Variants in IL4R observed in about 807,000 individuals in gnomAD.
IL4R encodes the protein interleukin-4 receptor subunit alpha.
Under a neutral mutation model 41.5 loss-of-function variants are expected in IL4R, and 17 were observed. That is an observed-to-expected ratio of 0.41 (90% confidence interval 0.28 to 0.61). The LOEUF is 0.61. IL4R is among the 20% of genes least tolerant of loss of function. The probability of loss-of-function intolerance (pLI) is 0.31; values close to 1 mark genes in which losing one functional copy is unlikely to be tolerated. For synonymous variants in IL4R, 402 were observed against 422.9 expected, an observed-to-expected ratio of 0.95 and a Z score of 0.61; for missense variants, 974 against 1,043.1, an observed-to-expected ratio of 0.93 and a Z score of 0.91.
At chr16:27,320,600 C>T (rs887276936) in intron 1 of IL4R, among the ~76,000 whole-genome samples, 2 of 152,226 alleles carry the variant, frequency 1.3e-5, no homozygotes, top group African/African-American at 2.4e-5. Context: ...CATTTAACCA[C>T]GGTTCTGAGC....
In IL4R at chr16:27,363,131, G is replaced by A. The variant is rs1471381881; in HGVS notation, c.1779G>A (p.Val593=). ...EQGGTQASAV[V]GLGPPGEAGY... ...GTGGCACCCAGGCCAGTGCGGTGGT[G>A]GGCTTGGGTCCCCCAGGAGAGGCTG... Residue 593 remains valine (V), a synonymous_variant, in exon 11 of 11, where the codon GTG becomes GTA. Transcript: ENST00000395762. 6.2e-7 allele frequency: 1 copy of A among 1,613,786 alleles called. No individual in the cohort carries two copies. Among genetic ancestry groups the A allele is most frequent in the African/African-American group, 1.3e-5 (1 of 74,934 alleles).
intron 1 of IL4R, among the ~76,000 whole-genome samples, chr16:27,314,501 C>A (rs1209997627): frequency 6.6e-6 from 1 of 152,244 alleles, no homozygotes; most frequent in African/African-American, 2.4e-5. Flanking sequence ...ACCCAATAAT[C>A]GCGATCATTG....
At chr16:27,355,429 C>T (rs1387012666) in intron 7 of IL4R, 2 of 294,778 alleles carry the variant, frequency 6.8e-6, no homozygotes, top group Non-Finnish European at 1.3e-5. Context: ...TCAATTCTGT[C>T]ATTAACCCCA....
chr16:27,341,268 G>C (rs1053003225), intron 3 of IL4R: 2 of 632,478 alleles, frequency 3.2e-6, no homozygotes, highest in Non-Finnish European at 5.7e-6. Flanking sequence ...TACTGGGAAG[G>C]ACGCGGTTGT....
chr16:27,333,422 T>A lies in IL4R; in HGVS notation c.-19+3224T>A, dbSNP rs549969601. On this transcript the variant is annotated intron_variant, in intron 2 of 10. Coordinates refer to ENST00000395762, the MANE Select transcript of IL4R (RefSeq NM_000418.4). ...TAGGAGATGAGATTGAAGGAACTGG[T>A]ATACTGGAATCCACGGTGGGCTCGG... 6.6e-5 allele frequency among the ~76,000 whole-genome samples: 10 copies of A among 152,030 alleles called. No individual in the cohort carries two copies. In the South Asian group the frequency reaches 2.1e-3, roughly 31 times the overall value.
At position 27,342,152 on chromosome 16, in the gene IL4R, C is replaced by T. The variant is rs55671142; in HGVS notation, c.102C>T (p.Cys34=). 1.0e-4 allele frequency: 161 copies of T among 1,614,214 alleles called. No homozygotes were observed. In the East Asian group the frequency reaches 3.1e-3, roughly 31 times the overall value. ...TGAAGGTCTTGCAGGAGCCCACCTG[C>T]GTCTCCGACTACATGAGCATCTCTA... The part of the protein sequence containing the change: ...GNMKVLQEPT[C]VSDYMSISTC... The change falls in exon 4 of 11, where the codon TGC becomes TGT. Residue 34 remains cysteine (C), a synonymous_variant. Transcript: ENST00000395762.
chr16:27,350,796 T>G (rs2141172256), intron 6 of IL4R, among the ~76,000 whole-genome samples: 1 of 152,328 alleles, frequency 6.6e-6, no homozygotes, highest in African/African-American at 2.4e-5. Context: ...TCCAGCCTCC[T>G]GTTTTTCTTC....
chr16:27,344,723 G>A (rs986542131), intron 4 of IL4R, 146 bp from the exon 5 acceptor site: 20 of 833,952 alleles, frequency 2.4e-5, no homozygotes, highest in East Asian at 8.1e-5. Context: ...CACCCTGGCC[G>A]CTCCCAAGCC....
At chr16:27,332,881 T>G (rs1466289751) in intron 2 of IL4R, among the ~76,000 whole-genome samples, 2 of 152,088 alleles carry the variant, frequency 1.3e-5, no homozygotes, top group Non-Finnish European at 2.9e-5. Flanking sequence ...TTTTATTTAG[T>G]TAAAAATATT....
chr16:27,327,686 TG>T (rs1386540674), intron 1 of IL4R, among the ~76,000 whole-genome samples: 1 of 152,008 alleles, frequency 6.6e-6, no homozygotes, highest in Non-Finnish European at 1.5e-5. Context: ...GATTTTGGAG[TG>T]ACAATGCCTA....
chr16:27,324,506 G>A (rs942451659), intron 1 of IL4R, among the ~76,000 whole-genome samples: 2 of 152,226 alleles, frequency 1.3e-5, no homozygotes, highest in African/African-American at 2.4e-5. Flanking sequence ...GAGCGGGATC[G>A]ACACTGGCCT....
chr16:27,362,194 A>G, intron 10 of IL4R, 58 bp from the exon 11 acceptor site: 1 of 1,559,508 alleles, frequency 6.4e-7, no homozygotes, highest in South Asian at 1.2e-5. Context: ...GCTTTGAAGA[A>G]TGAATAGGAG....
At chr16:27,329,233 G>A (rs2085045790) in intron 1 of IL4R, among the ~76,000 whole-genome samples, 1 of 152,090 alleles carries the variant, frequency 6.6e-6, no homozygotes, top group Non-Finnish European at 1.5e-5. Flanking sequence ...CAGAAGCCAA[G>A]TAGATACGGG....
intron 2 of IL4R, among the ~76,000 whole-genome samples, chr16:27,335,053 C>T (rs1025987207): frequency 7.2e-5 from 11 of 152,206 alleles, no homozygotes; most frequent in Admixed American, 3.9e-4. Context: ...TGAGGAGCAG[C>T]GGCCAGTTCT....
intron 1 of IL4R, among the ~76,000 whole-genome samples, chr16:27,323,055 TGGTATGG>T (rs2084859276): frequency 6.6e-6 from 1 of 151,940 alleles, no homozygotes; most frequent in Non-Finnish European, 1.5e-5. Flanking sequence ...CATCCAGGAA[TGGTATGG>T]GGTGAGACAA....
At chr16:27,344,730 A>G (rs1392490545) in intron 4 of IL4R, 139 bp from the exon 5 acceptor site, 3 of 904,032 alleles carry the variant, frequency 3.3e-6, no homozygotes, top group Admixed American at 2.7e-5. Context: ...GCCGCTCCCA[A>G]GCCCCCAGAT....
chr16:27,334,614 G>A (rs1205219329), intron 2 of IL4R, among the ~76,000 whole-genome samples: 4 of 152,092 alleles, frequency 2.6e-5, no homozygotes, highest in Non-Finnish European at 5.9e-5. Context: ...TGAGGCTAAA[G>A]TGACACCTTT....
At chr16:27,340,632 G>A (rs1341674327) in intron 3 of IL4R, among the ~76,000 whole-genome samples, 1 of 152,138 alleles carries the variant, frequency 6.6e-6, no homozygotes, top group Non-Finnish European at 1.5e-5. Flanking sequence ...CGAGGTGGGA[G>A]GATCCCTTGA....
At position 27,317,625 on chromosome 16, in the gene IL4R, A is replaced by G. The variant is rs375444093; in HGVS notation, c.-152+3605A>G. Among the ~76,000 whole-genome samples the G allele has an allele frequency of 1.9e-3, 289 of 152,194 alleles. 2 individuals carry two copies. Among genetic ancestry groups the G allele is most frequent in the African/African-American group, 6.6e-3 (273 of 41,518 alleles). Reference sequence around the variant, plus strand: ...AGACCGGGTGCATCACCACTGTTTTATGATATCCAGCAAATTGCTCTGCGT... The same window carrying G: ...AGACCGGGTGCATCACCACTGTTTTGTGATATCCAGCAAATTGCTCTGCGT... On this transcript the variant is annotated intron_variant, in intron 1 of 10. Coordinates refer to ENST00000395762, the MANE Select transcript of IL4R (RefSeq NM_000418.4).
Sources: gnomAD v4.1 joint callset for allele counts (sites outside exome capture counted in the v4.1 genomes callset) on GRCh38, gnomAD v4.1.1 for gene constraint, MANE v1.5 for transcripts, NCBI Gene and HGNC (gene_info 2026-07-23, HGNC 2026-07-21) for gene names.